Variants in SLC15A4 observed in about 807,000 individuals in gnomAD.
SLC15A4 encodes hPHT1.
A neutral mutation model predicts 46.1 loss-of-function variants in SLC15A4; 26 were observed. The ratio of observed to expected loss-of-function variants is 0.56; its 90% CI spans 0.41 to 0.78. SLC15A4 has a LOEUF of 0.78. Ranked by LOEUF, SLC15A4 falls within the 30% of genes least tolerant of loss-of-function variation. SLC15A4 has a pLI of 0.00. For synonymous variants in SLC15A4, 370 were observed against 333.4 expected, an observed-to-expected ratio of 1.11 and a Z score of -1.20; for missense variants, 751 against 755.7, an observed-to-expected ratio of 0.99 and a Z score of 0.07.
At position 128,794,076 on chromosome 12, in the gene SLC15A4, A is replaced by G; in HGVS notation, c.*120T>C. 1 of 1,009,964 alleles carries G rather than the reference A, an allele frequency of 9.9e-7. No individual in the cohort carries two copies. Among genetic ancestry groups the G allele is most frequent in the Non-Finnish European group, 1.5e-6 (1 of 687,602 alleles). The allele number at this position is 1,009,964 out of a possible 1,614,324, so 62.6% of individuals were successfully genotyped here. ...GGGAAAGAAGAAATCAATCCAGGCA[A>G]CATGCAAGTTTCAGTGAAGTCAGAC... On this transcript the variant is annotated 3_prime_UTR_variant, in exon 8 of 8. Coordinates refer to ENST00000266771, the MANE Select transcript of SLC15A4 (RefSeq NM_145648.4).
At chr12:128,815,337 T>C (rs1054102050) in intron 1 of SLC15A4, 7 of 173,068 alleles carry the variant, frequency 4.0e-5, no homozygotes, top group South Asian at 5.6e-5. Flanking sequence ...TATTCTGCTG[T>C]AGAATTTTCT....
At position 128,799,271 on chromosome 12, in the gene SLC15A4, G is replaced by A. The variant is rs777852247; in HGVS notation, c.1561C>T (p.His521Tyr). The stretch of plus-strand genomic sequence containing the variant: ...TGCTGGCTCTTACCAAAGTCTGTGT[G>A]ACTGCTCATCCATCCGATGGCTTTG... ...SIKAIGWMSSHTDFGNINGCY... is the reference protein window; with the variant it reads ...SIKAIGWMSSYTDFGNINGCY... The change falls in exon 7 of 8, where the codon CAC (histidine) becomes TAC (tyrosine). Residue 521 changes from histidine to tyrosine, a missense_variant. Physicochemically the swap from His to Tyr is moderately conservative, Grantham distance 83. Coordinates refer to ENST00000266771, the MANE Select transcript of SLC15A4 (RefSeq NM_145648.4). 1 of 1,614,134 alleles carries A rather than the reference G, an allele frequency of 6.2e-7. No individual in the cohort carries two copies. Among genetic ancestry groups the A allele is most frequent in the South Asian group, 1.1e-5 (1 of 91,066 alleles).
At chr12:128,803,926 T>C (rs1955548672) in intron 5 of SLC15A4, among the ~76,000 whole-genome samples, 1 of 152,336 alleles carries the variant, frequency 6.6e-6, no homozygotes, top group South Asian at 2.1e-4. Flanking sequence ...TTAGAAAGTG[T>C]TCGGGCAGGA....
chr12:128,809,969 T>C lies in SLC15A4; in HGVS notation c.985A>G (p.Ile329Val), dbSNP rs1239325579. The change falls in exon 3 of 8, where the codon ATA (isoleucine) becomes GTA (valine). Residue 329 changes from isoleucine to valine, a missense_variant. Transcript: ENST00000266771. ...VKIVPVFLAL[I>V]PYWTVYFQMQ... ...TGGAAATACACTGTCCAGTAAGGTA[T>C]CAAAGCCAAGAAAACAGGGACAATC... 3.7e-6 allele frequency: 6 copies of C among 1,613,978 alleles called. No homozygotes were observed. The African/African-American group carries it at 5.3e-5, about 14-fold the overall frequency.
At chr12:128,814,722 A>C in intron 2 of SLC15A4, 53 bp downstream of exon 2, 1 of 1,574,626 alleles carries the variant, frequency 6.4e-7, no homozygotes, top group Admixed American at 1.7e-5. Context: ...GATGTTAATA[A>C]AGAGATCGAT....
chr12:128,814,857 C>T lies in SLC15A4; in HGVS notation c.760G>A (p.Gly254Ser). 8 of 1,614,166 alleles carry T rather than the reference C, an allele frequency of 5.0e-6. No individual in the cohort carries two copies. Among genetic ancestry groups the T allele is most frequent in the Non-Finnish European group, 5.9e-6 (7 of 1,180,028 alleles). Residue 254 changes from glycine (G) to serine (S), a missense_variant, in exon 2 of 8, where the codon GGC becomes AGC. Transcript: ENST00000266771. ...TTGAACATGTCGGTGAAGGCACTGC[C>T]ATCAGGAGGCTTGGTGATGAAAACG... The part of the protein sequence containing the change: ...QSVFITKPPD[G>S]SAFTDMFKIL...
chr12:128,817,163 T>C (rs1955766044), intron 1 of SLC15A4, among the ~76,000 whole-genome samples: 1 of 152,210 alleles, frequency 6.6e-6, no homozygotes, highest in African/African-American at 2.4e-5. Flanking sequence ...TCTATTACAA[T>C]ACTGAACAGA....
At chr12:128,796,773 G>A (rs1041187010) in intron 7 of SLC15A4, among the ~76,000 whole-genome samples, 4 of 152,140 alleles carry the variant, frequency 2.6e-5, no homozygotes, top group South Asian at 4.1e-4. Flanking sequence ...AAATATAAAC[G>A]ACATCATTTT....
At chr12:128,806,266 TA>T (rs1955588548) in intron 5 of SLC15A4, among the ~76,000 whole-genome samples, 1 of 151,854 alleles carries the variant, frequency 6.6e-6, no homozygotes, top group Admixed American at 6.6e-5. Context: ...GGGATCCAGG[TA>T]AACCATGACC....
intron 1 of SLC15A4, among the ~76,000 whole-genome samples, chr12:128,821,639 G>C (rs1855628215): frequency 6.6e-6 from 1 of 152,164 alleles, no homozygotes; most frequent in Non-Finnish European, 1.5e-5. Flanking sequence ...TGTAACCCCA[G>C]CACTTTGGGA....
At chr12:128,809,499 T>C (rs747317802) in intron 3 of SLC15A4, 26 bp from the exon 4 acceptor site, 5 of 1,476,228 alleles carry the variant, frequency 3.4e-6, no homozygotes, top group Non-Finnish European at 3.8e-6. Context: ...AGTATCATTA[T>C]ATGTGGACCA....
In SLC15A4 at chr12:128,823,498, G is replaced by GCGGCGT; in HGVS notation, c.440_445dup (p.Asp147_Ala148dup). ...GGTGGCCGGTGAGCAGCAGCGGGCG[G>GCGGCGT]CGGCGTCGGGACCAGGCGCCGTGCA... is the stretch of plus-strand genomic sequence containing the variant. On this transcript the variant is annotated inframe_insertion, in exon 1 of 8. Coordinates refer to ENST00000266771, the MANE Select transcript of SLC15A4 (RefSeq NM_145648.4). 6.7e-7 allele frequency: 1 copy of GCGGCGT among 1,484,706 alleles called. No homozygotes were observed. The highest frequency in any genetic ancestry group is 1.3e-5 in the South Asian group (1 of 78,912). 92.0% of individuals were successfully genotyped at this position (1,484,706 alleles called of 1,614,324 possible). A position where few individuals can be genotyped will look rare whatever the true frequency, so the allele number is the denominator to read the frequency against.
intron 2 of SLC15A4, among the ~76,000 whole-genome samples, chr12:128,812,559 G>A (rs372255119): frequency 2.0e-5 from 3 of 151,980 alleles, no homozygotes; most frequent in South Asian, 2.1e-4. Context: ...CTCGTGATCC[G>A]CCCGCCTCGG....
chr12:128,822,857 T>G (rs1955867937), intron 1 of SLC15A4, among the ~76,000 whole-genome samples: 1 of 150,218 alleles, frequency 6.7e-6, no homozygotes, highest in Non-Finnish European at 1.5e-5. Flanking sequence ...TTTTATTTAT[T>G]TATTTTTTTG....
At chr12:128,806,710 C>T (rs11610064) in intron 5 of SLC15A4, among the ~76,000 whole-genome samples, 50,667 of 151,834 alleles carry the variant, frequency 0.33, 8,598 homozygotes, top group Non-Finnish European at 0.36. Context: ...TGTTTCAGGA[C>T]GCACACATGC....
chr12:128,806,902 CTTTTTTTTTTTT>C (rs34407311), intron 5 of SLC15A4, among the ~76,000 whole-genome samples: 8 of 108,288 alleles, frequency 7.4e-5, no homozygotes, highest in South Asian at 3.8e-4. Flanking sequence ...TTTGCTAGCG[CTTTTTTTTTTTT>C]TTTTTTTTGA....
intron 7 of SLC15A4, among the ~76,000 whole-genome samples, chr12:128,794,903 C>T (rs937521173): frequency 6.6e-6 from 1 of 152,142 alleles, no homozygotes; most frequent in African/African-American, 2.4e-5. Flanking sequence ...AAGTGTTAGC[C>T]GGTCTGGTGT....
intron 1 of SLC15A4, 118 bp downstream of exon 1, chr12:128,823,280 G>T: frequency 9.9e-7 from 1 of 1,011,204 alleles, no homozygotes; most frequent in Non-Finnish European, 1.3e-6. Context: ...CTAGACAGAA[G>T]CCCCCCGGGG....
intron 5 of SLC15A4, among the ~76,000 whole-genome samples, chr12:128,805,178 G>A (rs1955569581): frequency 6.6e-6 from 1 of 152,156 alleles, no homozygotes; most frequent in Admixed American, 6.5e-5. Context: ...CATTCATGCT[G>A]GCTAGATGTT....
Sources: gnomAD v4.1 joint callset for allele counts (sites outside exome capture counted in the v4.1 genomes callset) on GRCh38, gnomAD v4.1.1 for gene constraint, MANE v1.5 for transcripts, NCBI Gene and HGNC (gene_info 2026-07-23, HGNC 2026-07-21) for gene names.